Variants in ABCA4 observed in about 807,000 individuals in gnomAD.
ABCA4 encodes the protein ATP binding cassette subfamily A member 4.
ABCA4 carries 196 observed loss-of-function variants against 263.7 expected under a neutral mutation model. That is an observed-to-expected ratio of 0.74 (90% confidence interval 0.66 to 0.84). The LOEUF (loss-of-function observed/expected upper bound fraction) is 0.84, where lower values mean the gene tolerates loss of function less well. Ranked by LOEUF, ABCA4 falls within the 40% of genes least tolerant of loss-of-function variation. The pLI, the probability that ABCA4 is intolerant of heterozygous loss-of-function variation, is 0.00. For missense variants in ABCA4, 2,792 were observed against 2,855.1 expected, an observed-to-expected ratio of 0.98 and a Z score of 0.50; for synonymous variants, 1,133 against 1,094.2, an observed-to-expected ratio of 1.04 and a Z score of -0.70.
intron 43 of ABCA4, among the ~76,000 whole-genome samples, chr1:94,006,539 T>C (rs1571246468): frequency 6.6e-6 from 1 of 152,356 alleles, no homozygotes; most frequent in African/African-American, 2.4e-5. Context: ...TACCCTGCCA[T>C]GACTCCTTTT....
intron 12 of ABCA4, 64 bp downstream of exon 12, chr1:94,063,048 C>T (rs1570393683): frequency 1.4e-6 from 2 of 1,473,536 alleles, no homozygotes; most frequent in East Asian, 4.5e-5. Context: ...ATCCCTTTCT[C>T]TCTACCAAAT....
intron 44 of ABCA4, among the ~76,000 whole-genome samples, chr1:94,004,783 T>C (rs764512203): frequency 2.6e-5 from 4 of 152,220 alleles, no homozygotes; most frequent in Non-Finnish European, 5.9e-5. Flanking sequence ...TTTCTTCCCA[T>C]TTTCTTCTTG....
intron 42 of ABCA4, 70 bp downstream of exon 42, chr1:94,008,165 A>G: frequency 7.2e-7 from 1 of 1,392,358 alleles, no homozygotes; most frequent in Non-Finnish European, 1.0e-6. Context: ...GCTCTGCCTT[A>G]TGGGGAGGAG....
chr1:94,055,368 C>T (rs1660947781), intron 15 of ABCA4, 53 bp from the exon 16 acceptor site: 3 of 1,571,728 alleles, frequency 1.9e-6, no homozygotes, highest in African/African-American at 1.4e-5. Context: ...TTATCCAATG[C>T]AACAGCACCC....
intron 44 of ABCA4, among the ~76,000 whole-genome samples, chr1:94,003,652 GAGAC>G (rs1659277561): frequency 6.6e-6 from 1 of 152,082 alleles, no homozygotes; most frequent in African/African-American, 2.4e-5. Context: ...ATTATTTTAA[GAGAC>G]AGAGTCTTGC....
rs563780898 is a variant in ABCA4 at position 94,021,490 on chromosome 1, A to C, written c.4849-81T>G. ...ATCAGTGAAGGAAAGGAAATTTGAG[A>C]AGCAGGAAGGGTTTGGTAGCTGGAA... On this transcript the variant is annotated intron_variant, in intron 34 of 49. Coordinates refer to ENST00000370225, the MANE Select transcript of ABCA4 (RefSeq NM_000350.3). 1.9e-6 allele frequency: 3 copies of C among 1,590,250 alleles called. No homozygotes were observed. In the South Asian group the frequency reaches 3.3e-5, roughly 18 times the overall value.
At chr1:94,069,474 A>G (rs1221193535) in intron 11 of ABCA4, among the ~76,000 whole-genome samples, 1 of 152,100 alleles carries the variant, frequency 6.6e-6, no homozygotes, top group African/African-American at 2.4e-5. Context: ...CCGCTTAGAG[A>G]TGTTGGCTGT....
At chr1:94,037,487 A>T (rs990491320) in intron 24 of ABCA4, 137 bp from the exon 25 acceptor site, 10 of 797,170 alleles carry the variant, frequency 1.3e-5, no homozygotes, top group Non-Finnish European at 2.1e-5. Context: ...ACTCTTTCAG[A>T]GGACTGATGC....
intron 48 of ABCA4, among the ~76,000 whole-genome samples, chr1:93,996,945 G>A (rs1284895617): frequency 1.3e-5 from 2 of 152,200 alleles, no homozygotes; most frequent in Admixed American, 6.5e-5. Context: ...AGTAGTCAGA[G>A]CCTTAGAGAC....
chr1:94,002,066 G>A lies in ABCA4; in HGVS notation c.6148-74C>T. On this transcript the variant is annotated intron_variant, in intron 44 of 49. Coordinates refer to ENST00000370225, the MANE Select transcript of ABCA4 (RefSeq NM_000350.3). The stretch of plus-strand genomic sequence containing the variant: ...AAACCTCCCCCAGTTCAAAGCCTTG[G>A]GCTCCCAGATCTCACGCCTCCAGAA... 4 of 1,608,500 alleles carry A rather than the reference G, an allele frequency of 2.5e-6. No homozygotes were observed. In the Admixed American group the frequency reaches 6.7e-5, roughly 27 times the overall value.
At chr1:94,011,427 C>T (rs1439056882) in intron 38 of ABCA4, 42 bp from the exon 39 acceptor site, 1 of 1,603,000 alleles carries the variant, frequency 6.2e-7, no homozygotes, top group Admixed American at 1.7e-5. Flanking sequence ...GGGCAAACCC[C>T]ACCCCCCCTC....
intron 9 of ABCA4, 120 bp downstream of exon 9, chr1:94,079,202 T>C: frequency 6.8e-7 from 1 of 1,460,150 alleles, no homozygotes; most frequent in Non-Finnish European, 9.6e-7. Flanking sequence ...AGAGTCCACT[T>C]AGCAAAAAAC....
At chr1:94,040,204 C>T in intron 23 of ABCA4, 77 bp from the exon 24 acceptor site, 2 of 1,175,192 alleles carry the variant, frequency 1.7e-6, no homozygotes, top group South Asian at 1.3e-5. Flanking sequence ...CAGCTGCTGT[C>T]ACCGCCCGCT....
chr1:93,995,608 A>C (rs1351416623), intron 49 of ABCA4, among the ~76,000 whole-genome samples: 2 of 152,196 alleles, frequency 1.3e-5, no homozygotes, highest in Non-Finnish European at 2.9e-5. Flanking sequence ...ATAAAGAACA[A>C]AGAGCCCTCT....
intron 44 of ABCA4, among the ~76,000 whole-genome samples, chr1:94,003,212 A>AT (rs1404724505): frequency 4.0e-5 from 6 of 151,474 alleles, no homozygotes; most frequent in Admixed American, 6.6e-5. Flanking sequence ...TCCTTCTATC[A>AT]TTTTTTTTCT....
At chr1:94,118,165 G>C (rs1662853130) in intron 1 of ABCA4, among the ~76,000 whole-genome samples, 2 of 152,056 alleles carry the variant, frequency 1.3e-5, no homozygotes, top group Admixed American at 6.5e-5. Context: ...CATCAGTACC[G>C]GGGGGATCAC....
At chr1:94,031,227 A>C in intron 27 of ABCA4, 107 bp from the exon 28 acceptor site, 1 of 1,464,466 alleles carries the variant, frequency 6.8e-7, no homozygotes, top group Non-Finnish European at 9.4e-7. Flanking sequence ...GCAGCCTCCT[A>C]ATCAGCCCCT....
intron 11 of ABCA4, among the ~76,000 whole-genome samples, chr1:94,075,410 T>C (rs1202570453): frequency 6.6e-6 from 1 of 152,162 alleles, no homozygotes; most frequent in Non-Finnish European, 1.5e-5. Context: ...TTCAGACAAG[T>C]TGGTGATCGC....
In ABCA4 at chr1:93,993,180, T is replaced by G; in HGVS notation, c.*57A>C. The stretch of plus-strand genomic sequence containing the variant: ...GGATGACCATATGGGCACAGGCTCC[T>G]GCGCCTCCAGCTGCCCAGAGTTCCT... On this transcript the variant is annotated 3_prime_UTR_variant, in exon 50 of 50. Coordinates refer to ENST00000370225, the MANE Select transcript of ABCA4 (RefSeq NM_000350.3). 6.2e-7 allele frequency: 1 copy of G among 1,612,974 alleles called. No individual in the cohort carries two copies. Among genetic ancestry groups the G allele is most frequent in the Non-Finnish European group, 8.5e-7 (1 of 1,179,286 alleles).
Sources: allele counts gnomAD v4.1 joint callset (sites outside exome capture counted in the v4.1 genomes callset), GRCh38; gene constraint gnomAD v4.1.1; transcripts MANE v1.5; gene names NCBI Gene and HGNC (gene_info 2026-07-23, HGNC 2026-07-21).